BCL7C: variants seen among roughly 807,000 people sequenced by gnomAD.
The protein encoded by BCL7C is BAF chromatin remodeling complex subunit BCL7C, also known as B-cell CLL/lymphoma 7 protein family member C.
BCL7C carries 8 observed loss-of-function variants against 26.2 expected under a neutral mutation model. That is an observed-to-expected ratio of 0.30 (90% confidence interval 0.18 to 0.55). The LOEUF is 0.55. Ranked by LOEUF, BCL7C falls within the 20% of genes least tolerant of loss-of-function variation. BCL7C has a pLI of 0.93. For synonymous variants in BCL7C, 90 were observed against 116.5 expected (o/e 0.77, Z 1.47); for missense variants, 262 against 298.5 (o/e 0.88, Z 0.90).
downstream of BCL7C, among the ~76,000 whole-genome samples, chr16:30,887,189 A>T (rs909600014): frequency 5.3e-5 from 8 of 152,058 alleles, no homozygotes; most frequent in African/African-American, 1.4e-4. Context: ...GGCACCTCTA[A>T]TCCCAGCTAC....
chr16:30,840,222 T>TG (rs2054593694), intron 5 of BCL7C, among the ~76,000 whole-genome samples: 1 of 148,742 alleles, frequency 6.7e-6, no homozygotes, highest in Non-Finnish European at 1.5e-5. Flanking sequence ...TTGTTTTTTT[T>TG]TTTTTTTTTT....
chr16:30,867,534 G>A (rs1198273526), intron 5 of BCL7C, among the ~76,000 whole-genome samples: 3 of 151,950 alleles, frequency 2.0e-5, no homozygotes, highest in East Asian at 1.9e-4. Context: ...TCAGAGACTC[G>A]GCCATCCCAG....
At chr16:30,879,203 G>A (rs752032987) in intron 5 of BCL7C, among the ~76,000 whole-genome samples, 3 of 152,140 alleles carry the variant, frequency 2.0e-5, no homozygotes, top group Non-Finnish European at 2.9e-5. Flanking sequence ...GGCAAACAGG[G>A]ATGCTTGGTC....
chr16:30,843,735 C>T (rs2054616749), intron 5 of BCL7C, among the ~76,000 whole-genome samples: 1 of 151,876 alleles, frequency 6.6e-6, no homozygotes, highest in African/African-American at 2.4e-5. Flanking sequence ...TCGCTCCAGT[C>T]CCTGCTCAAA....
chr16:30,878,325 T>C (rs2054985779), intron 5 of BCL7C, among the ~76,000 whole-genome samples: 1 of 151,386 alleles, frequency 6.6e-6, no homozygotes, highest in Admixed American at 6.6e-5. Flanking sequence ...GGTCAGGAGA[T>C]TGAGACCATC....
chr16:30,879,071 GA>G (rs2054999253), intron 5 of BCL7C, among the ~76,000 whole-genome samples: 1 of 152,134 alleles, frequency 6.6e-6, no homozygotes, highest in Non-Finnish European at 1.5e-5. Context: ...AAAGGGTCCG[GA>G]AGCCCCAAGG....
At chr16:30,882,230 T>C (rs1454737548) in intron 5 of BCL7C, among the ~76,000 whole-genome samples, 1 of 152,166 alleles carries the variant, frequency 6.6e-6, no homozygotes, top group Non-Finnish European at 1.5e-5. Context: ...CCCAAAGTGC[T>C]AGCCACCACG....
chr16:30,838,891 T>C lies in BCL7C; in HGVS notation c.529-3743A>G, dbSNP rs528334503. Among the ~76,000 whole-genome samples, 5 of 152,384 alleles carry C rather than the reference T, an allele frequency of 3.3e-5. No individual in the cohort carries two copies. In the South Asian group the frequency reaches 1.0e-3, roughly 32 times the overall value. Reference sequence around the variant, plus strand: ...GCATTATAGCATTTTCAGGAAGTTATAGCCATTTTATTTCAAACTTTCCCC... The same window carrying C: ...GCATTATAGCATTTTCAGGAAGTTACAGCCATTTTATTTCAAACTTTCCCC... On this transcript the variant is annotated intron_variant, in intron 5 of 5. Transcript: ENST00000380317.
intron 5 of BCL7C, among the ~76,000 whole-genome samples, chr16:30,877,128 G>A (rs1490000688): frequency 1.3e-5 from 2 of 152,108 alleles, no homozygotes; most frequent in Non-Finnish European, 2.9e-5. Context: ...TGCGGGGACT[G>A]AAGGGCAGAG....
intron 5 of BCL7C, among the ~76,000 whole-genome samples, chr16:30,869,349 C>T (rs2054862259): frequency 6.6e-6 from 1 of 152,010 alleles, no homozygotes. Flanking sequence ...GCTGGGACTA[C>T]AGGCGCCTGC....
At chr16:30,872,519 C>G (rs993591548) in intron 5 of BCL7C, among the ~76,000 whole-genome samples, 1 of 152,146 alleles carries the variant, frequency 6.6e-6, no homozygotes, top group Non-Finnish European at 1.5e-5. Context: ...TCCTGAACTG[C>G]GGTGTGCCGT....
chr16:30,892,546 G>A (rs750532846), intron 4 of BCL7C, 40 bp downstream of exon 4: 7 of 1,523,050 alleles, frequency 4.6e-6, no homozygotes, highest in South Asian at 4.0e-5. Context: ...GAGAAGACAG[G>A]ACTTAGAGGA....
intron 5 of BCL7C, among the ~76,000 whole-genome samples, chr16:30,858,948 G>A (rs986006531): frequency 7.9e-5 from 12 of 152,184 alleles, no homozygotes; most frequent in Non-Finnish European, 1.5e-4. Flanking sequence ...ATAAGGGAAC[G>A]AGAATCCTCT....
intron 5 of BCL7C, among the ~76,000 whole-genome samples, chr16:30,863,387 A>G (rs1335233354): frequency 2.0e-5 from 3 of 152,190 alleles, no homozygotes; most frequent in African/African-American, 7.2e-5. Context: ...TATGCCTTCC[A>G]TATCCTGCAC....
At chr16:30,890,864 A>G (rs1411544870) in intron 4 of BCL7C, among the ~76,000 whole-genome samples, 2 of 152,036 alleles carry the variant, frequency 1.3e-5, no homozygotes, top group Non-Finnish European at 2.9e-5. Flanking sequence ...GCATGCCTAT[A>G]ATCCCAGCTA....
In BCL7C at chr16:30,892,870, C is replaced by T. The variant is rs763812959; in HGVS notation, c.250G>A (p.Gly84Ser). The T allele has an allele frequency of 8.1e-6, 13 of 1,613,074 alleles. No homozygotes were observed. The highest frequency in any genetic ancestry group is 1.1e-5 in the Non-Finnish European group (13 of 1,179,992). Residue 84 changes from glycine to serine, a missense_variant, in exon 3 of 6, where the codon GGT (glycine) becomes AGT (serine). By Grantham distance (56) the Gly-to-Ser change is moderately conservative. Transcript: ENST00000215115. ...RRGRGASPRG[G>S]GPLILLDLND... ...AGATCCAGCAGGATGAGAGGGCCAC[C>T]CCCTCGGGGACTGGCGCCCCTGCCC...
Position 30,834,719 on chromosome 16 carries a change from G to A in BCL7C, c.*229C>T. On this transcript the variant is annotated 3_prime_UTR_variant, in exon 6 of 6. Coordinates refer to the BCL7C transcript ENST00000380317. This position sits in a 1 kb window ranked among gnomAD's most constrained non-coding sequence, Gnocchi z 4.3. ...TCTAGCAAGGCGGCCTCAGGCACTG[G>A]ATGTGGTCCGAGTTCTGCCCTAAGC... 2.3e-6 allele frequency: 1 copy of A among 441,332 alleles called. No homozygotes were observed. Among genetic ancestry groups the A allele is most frequent in the East Asian group, 3.8e-5 (1 of 26,558 alleles). 27.3% of individuals were successfully genotyped at this position (441,332 alleles called of 1,614,324 possible). A position where few individuals can be genotyped will look rare whatever the true frequency, so the allele number is the denominator to read the frequency against.
intron 5 of BCL7C, among the ~76,000 whole-genome samples, chr16:30,866,306 G>T (rs1419444944): frequency 6.6e-6 from 1 of 152,170 alleles, no homozygotes; most frequent in African/African-American, 2.4e-5. Context: ...GCTGGGTGCG[G>T]TGGTTCACGC....
rs1305156825 is a variant in BCL7C at position 30,861,020 on chromosome 16, G to A, written c.529-25872C>T. ...CCCAACAATTTCCTCTTAGAGAGGT[G>A]GCTGGAGCTGAAGGTAGAGTCAAGG... On this transcript the variant is annotated intron_variant, in intron 5 of 5. Coordinates refer to the BCL7C transcript ENST00000380317. 2.6e-5 allele frequency among the ~76,000 whole-genome samples: 4 copies of A among 152,178 alleles called. No individual in the cohort carries two copies. In the East Asian group the frequency reaches 7.7e-4, roughly 29 times the overall value.
Sources: allele counts gnomAD v4.1 joint callset (sites outside exome capture counted in the v4.1 genomes callset), GRCh38; gene constraint gnomAD v4.1.1; non-coding constraint Gnocchi (gnomAD v3.1); transcripts MANE v1.5; gene names NCBI Gene and HGNC (gene_info 2026-07-23, HGNC 2026-07-21).